The following SH2D3C variants were observed in gnomAD, a reference collection of about 807,000 sequenced individuals.
SH2D3C encodes SH2 domain containing 3C, also known as SH2 domain-containing protein 3C.
A neutral mutation model predicts 75.2 loss-of-function variants in SH2D3C; 25 were observed. The ratio of observed to expected loss-of-function variants is 0.33; its 90% CI spans 0.24 to 0.46. The LOEUF is 0.46. Among genes scored for constraint, SH2D3C ranks in the 20% least tolerant of loss-of-function variants. The pLI, the probability that SH2D3C is intolerant of heterozygous loss-of-function variation, is 1.00. For synonymous variants in SH2D3C, 450 were observed against 473.7 expected (o/e 0.95, Z 0.65); for missense variants, 933 against 1,165.3 (o/e 0.80, Z 2.90).
chr9:127,778,577 C>T lies in SH2D3C; in HGVS notation c.37+14G>A, dbSNP rs373282257. On this transcript the variant is annotated intron_variant, in intron 1 of 11. Coordinates refer to ENST00000314830, the MANE Select transcript of SH2D3C (RefSeq NM_170600.3). ...CAGGGATGGAGGACAGTGCAGACGG[C>T]ACCCCACACTCACTGAACTTTTTGC... 5.6e-6 allele frequency: 9 copies of T among 1,605,848 alleles called. No homozygotes were observed. In the African/African-American group the frequency reaches 1.1e-4, roughly 19 times the overall value.
intron 9 of SH2D3C, 93 bp from the exon 10 acceptor site, chr9:127,740,462 G>A (rs559527148): frequency 1.4e-5 from 11 of 794,744 alleles, no homozygotes; most frequent in African/African-American, 8.6e-5. Flanking sequence ...ATGTGGGATC[G>A]TTATTATTAT....
chr9:127,744,550 C>T lies in SH2D3C; in HGVS notation c.1800+14G>A. ...GAGATGCTCCCTCCACCCCAGTGCA[C>T]AGCCAGCACCTACCAGGCAGTCCAC... On this transcript the variant is annotated intron_variant, in intron 7 of 11. Coordinates refer to ENST00000314830, the MANE Select transcript of SH2D3C (RefSeq NM_170600.3). 6.3e-7 allele frequency: 1 copy of T among 1,593,696 alleles called. No individual in the cohort carries two copies. Among genetic ancestry groups the T allele is most frequent in the South Asian group, 1.1e-5 (1 of 88,804 alleles).
chr9:127,744,566 G>C lies in SH2D3C; in HGVS notation c.1798C>G (p.Leu600Val). Reference sequence around the variant, plus strand: ...CCCAGTGCACAGCCAGCACCTACCAGGCAGTCCACCTTGGTGACATGCCGG... The same window carrying C: ...CCCAGTGCACAGCCAGCACCTACCACGCAGTCCACCTTGGTGACATGCCGG... The part of the protein sequence containing the change: ...LARHVTKVDC[L>V]VARILGVTKE... Residue 600 changes from leucine (L) to valine (V), a missense_variant and splice_region_variant, in exon 7 of 12, where the codon CTG (leucine) becomes GTG (valine). Transcript: ENST00000314830. 6.2e-7 allele frequency: 1 copy of C among 1,604,708 alleles called. No individual in the cohort carries two copies. The highest frequency in any genetic ancestry group is 2.2e-5 in the East Asian group (1 of 44,688).
chr9:127,740,055 C>A (rs538505503), intron 10 of SH2D3C, among the ~76,000 whole-genome samples, 167 bp from the exon 11 acceptor site: 2 of 152,184 alleles, frequency 1.3e-5, no homozygotes, highest in Non-Finnish European at 2.9e-5. Context: ...ATTCCCCCAA[C>A]TGAACCCACT....
Position 127,749,260 on chromosome 9 carries a change from C to A in SH2D3C, c.1090G>T (p.Asp364Tyr), listed in dbSNP as rs142059103. Residue 364 changes from aspartate (D) to tyrosine (Y), a missense_variant, in exon 5 of 12, where the codon GAT (aspartate) becomes TAT (tyrosine). Coordinates refer to ENST00000314830, the MANE Select transcript of SH2D3C (RefSeq NM_170600.3). This position sits in a 1 kb window ranked among gnomAD's most constrained non-coding sequence, Gnocchi z 5.9. The stretch of plus-strand genomic sequence containing the variant: ...GTGACCTTGTCAGCAGTGAGCCCAT[C>A]GGTCATGGTGACGCTGCGCCGCTTC... ...HMKRRSVTMT[D>Y]GLTADKVTRS... 9.4e-6 allele frequency: 15 copies of A among 1,594,302 alleles called. No individual in the cohort carries two copies. The highest frequency in any genetic ancestry group is 1.3e-5 in the Non-Finnish European group (15 of 1,168,696).
chr9:127,763,750 T>C (rs1845580889), intron 2 of SH2D3C, among the ~76,000 whole-genome samples: 1 of 152,098 alleles, frequency 6.6e-6, no homozygotes, highest in African/African-American at 2.4e-5. Context: ...AAAAATAAAA[T>C]TGTGAGTTCC....
In SH2D3C at chr9:127,754,224, T is replaced by C. The variant is rs1439354423; in HGVS notation, c.556-2924A>G. ...CGCGCCTGATTGGCCGGTGCGGGGA[T>C]GCTGCGCTCCGCCGCCGGCGGGGCA... On this transcript the variant is annotated intron_variant, in intron 3 of 11. Coordinates refer to ENST00000314830, the MANE Select transcript of SH2D3C (RefSeq NM_170600.3). The surrounding 1 kb of genome is among the most constrained non-coding windows in gnomAD (Gnocchi z 4.4). Among the ~76,000 whole-genome samples the C allele has an allele frequency of 2.0e-5, 3 of 152,134 alleles. No homozygotes were observed. The highest frequency in any genetic ancestry group is 1.3e-4 in the Admixed American group (2 of 15,280).
At chr9:127,758,134 G>C (rs535377695) in intron 3 of SH2D3C, among the ~76,000 whole-genome samples, 2 of 151,646 alleles carry the variant, frequency 1.3e-5, no homozygotes, top group Admixed American at 1.3e-4. Flanking sequence ...AGCCTTCCCA[G>C]CTAATTTTTA....
chr9:127,742,057 G>A, intron 8 of SH2D3C, 98 bp from the exon 9 acceptor site: 1 of 1,224,204 alleles, frequency 8.2e-7, no homozygotes, highest in Non-Finnish European at 1.1e-6. Context: ...AGAGGCGGAG[G>A]GCGGAGCCAA....
chr9:127,748,551 C>T (rs377019401), intron 5 of SH2D3C, among the ~76,000 whole-genome samples: 9 of 152,226 alleles, frequency 5.9e-5, no homozygotes, highest in Admixed American at 2.6e-4. Flanking sequence ...GGCTTCCCCC[C>T]TCTAAGCCTA....
intron 2 of SH2D3C, among the ~76,000 whole-genome samples, chr9:127,772,899 T>A (rs1845759202): frequency 6.6e-6 from 1 of 151,852 alleles, no homozygotes; most frequent in African/African-American, 2.4e-5. Context: ...AGTGGTGTGA[T>A]CTCAGCTCAC....
At position 127,754,483 on chromosome 9, in the gene SH2D3C, C is replaced by T. The variant is rs1409168164; in HGVS notation, c.556-3183G>A. On this transcript the variant is annotated intron_variant, in intron 3 of 11. Transcript: ENST00000314830. This position sits in a 1 kb window ranked among gnomAD's most constrained non-coding sequence, Gnocchi z 4.4. ...AGAGAGGCGGGGTCCGGGTCCTCCC[C>T]TCCACCCCCTTCCGTTTAACCCTCT... 6.6e-6 allele frequency among the ~76,000 whole-genome samples: 1 copy of T among 152,306 alleles called. No individual in the cohort carries two copies. The highest frequency in any genetic ancestry group is 1.9e-4 in the East Asian group (1 of 5,160).
chr9:127,773,926 A>G (rs1426997274), intron 2 of SH2D3C, 64 bp downstream of exon 2: 37 of 1,025,282 alleles, frequency 3.6e-5, no homozygotes, highest in Admixed American at 1.1e-4. Context: ...TCAAAAAAAA[A>G]AAAAAGAAAA....
At chr9:127,766,504 C>G (rs1231279124) in intron 2 of SH2D3C, among the ~76,000 whole-genome samples, 1 of 152,252 alleles carries the variant, frequency 6.6e-6, no homozygotes, top group East Asian at 1.9e-4. Flanking sequence ...CCATGAAGAT[C>G]TGCCACCCTC....
chr9:127,760,350 A>T (rs1845496715), intron 3 of SH2D3C, among the ~76,000 whole-genome samples: 3 of 152,092 alleles, frequency 2.0e-5, no homozygotes. Context: ...CTTTGGCTAT[A>T]GTCCTGGCAT....
At chr9:127,741,732 C>T in intron 9 of SH2D3C, 56 bp downstream of exon 9, 2 of 1,579,234 alleles carry the variant, frequency 1.3e-6, no homozygotes, top group South Asian at 2.3e-5. Flanking sequence ...CCCAAAGGCA[C>T]CCCAGGGCTC....
chr9:127,740,984 G>T (rs1285699071), intron 9 of SH2D3C, among the ~76,000 whole-genome samples: 1 of 151,746 alleles, frequency 6.6e-6, no homozygotes, highest in Non-Finnish European at 1.5e-5. Flanking sequence ...CCTGGCTGTT[G>T]TTATTTATTA....
chr9:127,746,154 T>C (rs1165413524), intron 6 of SH2D3C, among the ~76,000 whole-genome samples: 1 of 152,176 alleles, frequency 6.6e-6, no homozygotes, highest in African/African-American at 2.4e-5. Context: ...TGGCAAGGAA[T>C]TTTAGGTTTT....
rs1845282812 is a variant in SH2D3C at position 127,754,130 on chromosome 9, G to GCT, written c.556-2831_556-2830insAG. On this transcript the variant is annotated intron_variant, in intron 3 of 11. Coordinates refer to ENST00000314830, the MANE Select transcript of SH2D3C (RefSeq NM_170600.3). This position sits in a 1 kb window ranked among gnomAD's most constrained non-coding sequence, Gnocchi z 4.4. ...CCTAGAGTTGGGGGTGCTGGGGTGCGAATGCAGCATCCCTGCGCTCGGCGC... is the reference window on the plus strand; with the variant it reads ...CCTAGAGTTGGGGGTGCTGGGGTGCGCTAATGCAGCATCCCTGCGCTCGGCGC... Among the ~76,000 whole-genome samples, 1 of 152,192 alleles carries GCT rather than the reference G, an allele frequency of 6.6e-6. No individual in the cohort carries two copies. Among genetic ancestry groups the GCT allele is most frequent in the Non-Finnish European group, 1.5e-5 (1 of 68,002 alleles).
Sources: allele counts gnomAD v4.1 joint callset (sites outside exome capture counted in the v4.1 genomes callset), GRCh38; gene constraint gnomAD v4.1.1; non-coding constraint Gnocchi (gnomAD v3.1); transcripts MANE v1.5; gene names NCBI Gene and HGNC (gene_info 2026-07-23, HGNC 2026-07-21).